TXNDC16: variants seen among roughly 807,000 people sequenced by gnomAD.
The protein encoded by TXNDC16 is thioredoxin domain containing 16.
In TXNDC16, 74 loss-of-function variants were observed where a neutral mutation model predicts 85.6. The ratio of observed to expected loss-of-function variants is 0.86; its 90% confidence interval spans 0.72 to 1.05. TXNDC16 has a LOEUF of 1.05. TXNDC16 is among the 50% of genes least tolerant of loss of function. The probability of loss-of-function intolerance (pLI) is 0.00; values close to 1 mark genes in which losing one functional copy is unlikely to be tolerated. For missense variants in TXNDC16, 959 were observed against 947.0 expected, an observed-to-expected ratio of 1.01 and a Z score of -0.17; for synonymous variants, 335 against 326.5, an observed-to-expected ratio of 1.03 and a Z score of -0.28.
intron 18 of TXNDC16, among the ~76,000 whole-genome samples, chr14:52,451,932 G>T (rs1337055734): frequency 1.3e-5 from 2 of 151,994 alleles, no homozygotes; most frequent in East Asian, 3.8e-4. Context: ...TCCTATATTT[G>T]GAAAAACTAA....
intron 9 of TXNDC16, among the ~76,000 whole-genome samples, chr14:52,495,640 G>A (rs1002023049): frequency 6.6e-6 from 1 of 152,076 alleles, no homozygotes; most frequent in Admixed American, 6.6e-5. Flanking sequence ...GCATGTGGGA[G>A]GGATTACTGC....
At chr14:52,543,303 A>C in intron 3 of TXNDC16, 95 bp downstream of exon 3, 1 of 1,334,092 alleles carries the variant, frequency 7.5e-7, no homozygotes, top group Non-Finnish European at 1.0e-6. Flanking sequence ...TATAGCACAT[A>C]TTATTAATCT....
chr14:52,476,269 T>C (rs2036018590), intron 14 of TXNDC16, among the ~76,000 whole-genome samples: 1 of 151,994 alleles, frequency 6.6e-6, no homozygotes, highest in Non-Finnish European at 1.5e-5. Context: ...CAAAGCAAGA[T>C]TCTTTAACTC....
chr14:52,466,468 T>C (rs967254135), intron 16 of TXNDC16, among the ~76,000 whole-genome samples: 5 of 150,940 alleles, frequency 3.3e-5, no homozygotes, highest in African/African-American at 1.2e-4. Flanking sequence ...GTCCAAATCA[T>C]TGAAACGATC....
intron 16 of TXNDC16, chr14:52,462,678 T>C (rs576879329): frequency 7.2e-6 from 2 of 276,834 alleles, no homozygotes; most frequent in African/African-American, 2.3e-5. Context: ...ATAAAAATAC[T>C]GAAATCTTTT....
chr14:52,550,667 G>C (rs1449394323), intron 1 of TXNDC16, among the ~76,000 whole-genome samples: 3 of 140,184 alleles, frequency 2.1e-5, no homozygotes, highest in Non-Finnish European at 3.2e-5. Context: ...GAATAGAGGA[G>C]AAAAAGAAAA....
intron 18 of TXNDC16, among the ~76,000 whole-genome samples, chr14:52,454,102 G>A (rs1261776149): frequency 1.3e-5 from 2 of 152,128 alleles, no homozygotes; most frequent in East Asian, 1.9e-4. Context: ...TTACTCTGAT[G>A]TGACTACTAT....
chr14:52,507,319 T>G (rs11157915), intron 9 of TXNDC16, among the ~76,000 whole-genome samples: 14,484 of 151,534 alleles, frequency 0.096, 813 homozygotes, highest in East Asian at 0.17. Context: ...TCACAATTGC[T>G]TCAAAGAGAA....
chr14:52,501,319 G>A (rs966839095), intron 9 of TXNDC16, among the ~76,000 whole-genome samples: 1 of 152,036 alleles, frequency 6.6e-6, no homozygotes, highest in Non-Finnish European at 1.5e-5. Flanking sequence ...ATTTTCATAT[G>A]CTTAGAAGTG....
chr14:52,454,962 A>G (rs2035498358), intron 18 of TXNDC16, among the ~76,000 whole-genome samples: 1 of 152,242 alleles, frequency 6.6e-6, no homozygotes, highest in African/African-American at 2.4e-5. Flanking sequence ...CATTTTATGC[A>G]TGCAGAAACC....
At chr14:52,500,455 G>A (rs756721861) in intron 9 of TXNDC16, among the ~76,000 whole-genome samples, 7 of 152,190 alleles carry the variant, frequency 4.6e-5, no homozygotes, top group Non-Finnish European at 8.8e-5. Context: ...CTGCGGTCAG[G>A]TAGAGGGGAG....
intron 9 of TXNDC16, among the ~76,000 whole-genome samples, chr14:52,507,127 C>T (rs1390725023): frequency 2.0e-5 from 3 of 151,966 alleles, no homozygotes; most frequent in Non-Finnish European, 2.9e-5. Flanking sequence ...TCAAATTGTC[C>T]CTGTTTGCAG....
intron 18 of TXNDC16, among the ~76,000 whole-genome samples, chr14:52,443,347 G>A (rs1044368240): frequency 1.3e-5 from 2 of 152,142 alleles, no homozygotes; most frequent in African/African-American, 2.4e-5. Flanking sequence ...CTTGCAGATG[G>A]CCTATTGTGG....
chr14:52,461,989 C>T (rs1415585291), intron 16 of TXNDC16, among the ~76,000 whole-genome samples: 2 of 152,186 alleles, frequency 1.3e-5, no homozygotes, highest in Non-Finnish European at 2.9e-5. Context: ...CCAGTAGATC[C>T]AGGCAAAAAT....
At chr14:52,548,288 C>T (rs2140236053) in intron 1 of TXNDC16, among the ~76,000 whole-genome samples, 1 of 152,248 alleles carries the variant, frequency 6.6e-6, no homozygotes, top group East Asian at 1.9e-4. Flanking sequence ...GAGCAAGGGC[C>T]TTGAGCTTCC....
intron 18 of TXNDC16, among the ~76,000 whole-genome samples, chr14:52,442,069 A>C (rs1228001922): frequency 6.6e-6 from 1 of 152,228 alleles, no homozygotes; most frequent in Non-Finnish European, 1.5e-5. Context: ...GGGAATTGAA[A>C]GAAAAAAAAT....
At position 52,537,600 on chromosome 14, in the gene TXNDC16, T is replaced by C; in HGVS notation, c.316A>G (p.Lys106Glu). 1.3e-6 allele frequency: 2 copies of C among 1,576,410 alleles called. No homozygotes were observed. The highest frequency in any genetic ancestry group is 1.7e-6 in the Non-Finnish European group (2 of 1,147,892). ...EKDLMKAYLF[K>E]GNILLREFPT... ...AGCACACTCAGGAAAATAGCTTACTTGAATAAATATGCTTTCATCAAATCC... is the reference window on the plus strand; with the variant it reads ...AGCACACTCAGGAAAATAGCTTACTCGAATAAATATGCTTTCATCAAATCC... Residue 106 changes from lysine to glutamate, a missense_variant and splice_region_variant, in exon 5 of 21, where the codon AAG (lysine) becomes GAG (glutamate). Lys to Glu is a moderately conservative substitution (Grantham distance 56, BLOSUM62 1). Transcript: ENST00000281741.
intron 18 of TXNDC16, among the ~76,000 whole-genome samples, chr14:52,450,933 A>C (rs189860465): frequency 2.0e-5 from 3 of 151,786 alleles, no homozygotes; most frequent in Non-Finnish European, 2.9e-5. Context: ...ACATTGTGGA[A>C]TACTACTCAG....
At position 52,454,902 on chromosome 14, in the gene TXNDC16, C is replaced by G. The variant is rs2035496867; in HGVS notation, c.1842+422G>C. Among the ~76,000 whole-genome samples, 3 of 152,266 alleles carry G rather than the reference C, an allele frequency of 2.0e-5. No individual in the cohort carries two copies. In the South Asian group the frequency reaches 6.2e-4, roughly 32 times the overall value. Reference sequence around the variant, plus strand: ...TACACAAAGCACTATCAAATCATGTCTCATTCAGTCCTCACAATAACTGTC... The same window carrying G: ...TACACAAAGCACTATCAAATCATGTGTCATTCAGTCCTCACAATAACTGTC... On this transcript the variant is annotated intron_variant, in intron 18 of 20. Coordinates refer to ENST00000281741, the MANE Select transcript of TXNDC16 (RefSeq NM_020784.3).
Sources: gnomAD v4.1 joint callset for allele counts (sites outside exome capture counted in the v4.1 genomes callset) on GRCh38, gnomAD v4.1.1 for gene constraint, MANE v1.5 for transcripts, NCBI Gene and HGNC (gene_info 2026-07-23, HGNC 2026-07-21) for gene names.